Variants in CDKL5 observed in about 807,000 individuals in gnomAD.
CDKL5 encodes the protein cyclin-dependent kinase-like 5.
Under a neutral mutation model 61.7 loss-of-function variants are expected in CDKL5, and 8 were observed. The observed-to-expected ratio is 0.13, with a 90% CI of 0.08 to 0.23. CDKL5 has a LOEUF of 0.23. CDKL5 is among the 10% of genes least tolerant of loss of function. CDKL5 has a pLI of 1.00. For missense variants in CDKL5, 440 were observed against 734.5 expected (o/e 0.60, Z 4.63); for synonymous variants, 275 against 272.3 (o/e 1.01, Z -0.10).
chrX:18,637,903 G>A lies in CDKL5; in HGVS notation c.*9146G>A, dbSNP rs1927441102. Reference sequence around the variant, plus strand: ...TTTAATGCCAGTTACACAGAGCTCAGTAGGTGTCCGCACAGCCCTTTAGAT... The same window carrying A: ...TTTAATGCCAGTTACACAGAGCTCAATAGGTGTCCGCACAGCCCTTTAGAT... On this transcript the variant is annotated 3_prime_UTR_variant, in exon 18 of 18. Transcript: ENST00000623535. 8.9e-6 allele frequency: 1 copy of A among 112,061 alleles called. No individual in the cohort carries two copies. The highest frequency in any genetic ancestry group is 3.2e-5 in the African/African-American group (1 of 30,868). The allele number at this position is 112,061 out of a possible 1,213,427, so 9.2% of individuals were successfully genotyped here. A position where few individuals can be genotyped will look rare whatever the true frequency, so the allele number is the denominator to read the frequency against.
At chrX:18,504,048 C>G (rs1442671704) in intron 1 of CDKL5, among the ~76,000 whole-genome samples, 1 of 111,251 alleles carries the variant, frequency 9.0e-6, no homozygotes, top group Non-Finnish European at 1.9e-5. Context: ...GCCACTGTGC[C>G]TGGCTAGGAT....
Position 18,628,795 on chromosome X carries a change from AGTGGGGAGGG to A in CDKL5, c.*44_*53del. 13 of 142,188 alleles carry A rather than the reference AGTGGGGAGGG, an allele frequency of 9.1e-5. No homozygotes were observed. The highest frequency in any genetic ancestry group is 1.0e-4 in the Non-Finnish European group (13 of 124,534). The allele number at this position is 142,188 out of a possible 1,213,427, so 11.7% of individuals were successfully genotyped here. On this transcript the variant is annotated 3_prime_UTR_variant, in exon 18 of 18. Coordinates refer to ENST00000623535, the MANE Select transcript of CDKL5 (RefSeq NM_001323289.2). ...GGGGGGAGGGGTGGACAGACAAGCC[AGTGGGGAGGG>A]GTGGGAAAGGGTGGGCTGGGCTTGG...
chrX:18,484,389 C>T lies in CDKL5; in HGVS notation c.-162-22546C>T, dbSNP rs756272066. Among the ~76,000 whole-genome samples, 6 of 110,375 alleles carry T rather than the reference C, an allele frequency of 5.4e-5. 1 individual carries two copies. In the Admixed American group the frequency reaches 5.8e-4, roughly 11 times the overall value. Reference sequence around the variant, plus strand: ...AAGTGCAGTGGTGGCGCGATCTCGGCTCGCTGTAACCTCTGCCTCCTGGGT... The same window carrying T: ...AAGTGCAGTGGTGGCGCGATCTCGGTTCGCTGTAACCTCTGCCTCCTGGGT... On this transcript the variant is annotated intron_variant, in intron 1 of 17. Coordinates refer to ENST00000623535, the MANE Select transcript of CDKL5 (RefSeq NM_001323289.2).
At chrX:18,575,567 T>C (rs1925273061) in intron 5 of CDKL5, 77 bp downstream of exon 5, 1 of 922,444 alleles carries the variant, frequency 1.1e-6, no homozygotes, top group Admixed American at 2.2e-5. Flanking sequence ...TTTAAGAAAG[T>C]ACTGTTATCT....
intron 15 of CDKL5, among the ~76,000 whole-genome samples, chrX:18,619,581 ACT>A (rs888931454): frequency 2.5e-4 from 28 of 112,022 alleles, no homozygotes; most frequent in African/African-American, 8.4e-4. Flanking sequence ...ATAATCTCAA[ACT>A]CTGAGGTCTT....
chrX:18,442,992 C>T (rs1429993428), intron 1 of CDKL5, among the ~76,000 whole-genome samples: 2 of 111,632 alleles, frequency 1.8e-5, no homozygotes, highest in African/African-American at 6.5e-5. Context: ...ACTCCTTAAC[C>T]GTCAGCCCCT....
intron 1 of CDKL5, among the ~76,000 whole-genome samples, chrX:18,479,310 A>G (rs776563868): frequency 1.3e-5 from 1 of 75,636 alleles, no homozygotes; most frequent in East Asian, 4.1e-4. Context: ...CTCAGCCACT[A>G]TTTCTTTTTT....
chrX:18,649,468 C>T (rs1478241913), intron 20 of CDKL5, among the ~76,000 whole-genome samples: 1 of 111,863 alleles, frequency 8.9e-6, no homozygotes, highest in Non-Finnish European at 1.9e-5. Flanking sequence ...CAGAGACGGC[C>T]ATGCCCTGTC....
At chrX:18,528,168 AGTATT>A (rs772524956) in intron 3 of CDKL5, among the ~76,000 whole-genome samples, 27 of 109,367 alleles carry the variant, frequency 2.5e-4, no homozygotes, top group African/African-American at 8.7e-4. Flanking sequence ...CTGTTACTAA[AGTATT>A]ATATAAATGT....
At chrX:18,490,005 C>T (rs1009802303) in intron 1 of CDKL5, among the ~76,000 whole-genome samples, 1 of 111,502 alleles carries the variant, frequency 9.0e-6, no homozygotes, top group South Asian at 3.8e-4. Context: ...CTTCATATTT[C>T]GCTCAGAATA....
At chrX:18,483,541 C>G (rs1445997669) in intron 1 of CDKL5, among the ~76,000 whole-genome samples, 2 of 110,514 alleles carry the variant, frequency 1.8e-5, no homozygotes, top group Admixed American at 1.9e-4. Context: ...CTCAGCCTCC[C>G]AAGTAGCTGG....
At chrX:18,560,551 C>T (rs188909428) in intron 3 of CDKL5, among the ~76,000 whole-genome samples, 1 of 111,809 alleles carries the variant, frequency 8.9e-6, no homozygotes, top group East Asian at 2.8e-4. Context: ...TATTGAACAC[C>T]TACTATGTGC....
chrX:18,480,447 G>A (rs1312915473), intron 1 of CDKL5, among the ~76,000 whole-genome samples: 3 of 111,748 alleles, frequency 2.7e-5, no homozygotes, highest in Non-Finnish European at 5.6e-5. Context: ...TGGCTGAGGC[G>A]GTGTTTGTCA....
intron 5 of CDKL5, among the ~76,000 whole-genome samples, chrX:18,576,939 G>A (rs888167209): frequency 9.1e-6 from 1 of 109,384 alleles, no homozygotes; most frequent in African/African-American, 3.3e-5. Context: ...AGGCTGGAGT[G>A]TAGTGGCTAT....
intron 10 of CDKL5, among the ~76,000 whole-genome samples, chrX:18,596,653 C>T (rs1164767032): frequency 8.9e-6 from 1 of 111,819 alleles, no homozygotes; most frequent in Non-Finnish European, 1.9e-5. Flanking sequence ...CACAGTCAGT[C>T]CTCATGGATT....
chrX:18,540,526 G>T (rs1923983720), intron 3 of CDKL5, among the ~76,000 whole-genome samples: 1 of 111,532 alleles, frequency 9.0e-6, no homozygotes, highest in Non-Finnish European at 1.9e-5. Flanking sequence ...CATTCTTTAA[G>T]GGTAAGTTTG....
chrX:18,551,033 C>T lies in CDKL5; in HGVS notation c.100-13444C>T, dbSNP rs552916864. ...TATGATCTATAAGTATGGAGCTAGACTGTTTTGAAAGTTCACCTTTCTCTC... is the reference window on the plus strand; with the variant it reads ...TATGATCTATAAGTATGGAGCTAGATTGTTTTGAAAGTTCACCTTTCTCTC... On this transcript the variant is annotated intron_variant, in intron 3 of 17. Coordinates refer to ENST00000623535, the MANE Select transcript of CDKL5 (RefSeq NM_001323289.2). Among the ~76,000 whole-genome samples the T allele has an allele frequency of 1.6e-4, 18 of 112,045 alleles. No individual in the cohort carries two copies. In the East Asian group the frequency reaches 5.0e-3, roughly 31 times the overall value.
Position 18,575,299 on chromosome X carries a change from G to A in CDKL5, c.146-55G>A, listed in dbSNP as rs1324733421. On this transcript the variant is annotated intron_variant, in intron 4 of 17. Coordinates refer to ENST00000623535, the MANE Select transcript of CDKL5 (RefSeq NM_001323289.2). Reference sequence around the variant, plus strand: ...GTTTTCAGTGTTCTTGGAATTCTTTGAATAGTAGCTTGAAAGTTTTCATTT... The same window carrying A: ...GTTTTCAGTGTTCTTGGAATTCTTTAAATAGTAGCTTGAAAGTTTTCATTT... 43 of 1,116,259 alleles carry A rather than the reference G, an allele frequency of 3.9e-5. No individual in the cohort carries two copies. The East Asian group carries it at 1.3e-3, about 33-fold the overall frequency. 92.0% of individuals were successfully genotyped at this position (1,116,259 alleles called of 1,213,427 possible). A position where few individuals can be genotyped will look rare whatever the true frequency, so the allele number is the denominator to read the frequency against.
At chrX:18,498,021 G>T in intron 1 of CDKL5, among the ~76,000 whole-genome samples, 1 of 109,341 alleles carries the variant, frequency 9.1e-6, no homozygotes, top group Non-Finnish European at 1.9e-5. Context: ...GTAGAGACAA[G>T]GTCTCATTAT....
Sources: allele counts gnomAD v4.1 joint callset (sites outside exome capture counted in the v4.1 genomes callset), GRCh38; gene constraint gnomAD v4.1.1; transcripts MANE v1.5; gene names NCBI Gene and HGNC (gene_info 2026-07-23, HGNC 2026-07-21).